The following IGF1R variants were observed in gnomAD, a reference collection of about 807,000 sequenced individuals.
IGF1R encodes the protein insulin-like growth factor 1 receptor.
A neutral mutation model predicts 144.6 loss-of-function variants in IGF1R; 44 were observed. The observed-to-expected ratio is 0.30, with a 90% CI of 0.24 to 0.39. The LOEUF (loss-of-function observed/expected upper bound fraction) is 0.39. IGF1R is among the 10% of genes least tolerant of loss of function. The pLI is 1.00. For synonymous variants in IGF1R, 795 were observed against 722.8 expected (o/e 1.10, Z -1.60); for missense variants, 1,355 against 1,833.7 (o/e 0.74, Z 4.77).
At chr15:98,703,269 T>A (rs2053780304) in intron 1 of IGF1R, among the ~76,000 whole-genome samples, 1 of 152,202 alleles carries the variant, frequency 6.6e-6, no homozygotes, top group South Asian at 2.1e-4. Context: ...TGCATTTTCC[T>A]TTTAATCATC....
intron 2 of IGF1R, among the ~76,000 whole-genome samples, chr15:98,756,497 T>C (rs979552863): frequency 1.3e-5 from 2 of 152,164 alleles, no homozygotes; most frequent in African/African-American, 4.8e-5. Context: ...CTGGTAATCA[T>C]AACCCTTTCT....
At chr15:98,828,270 G>A (rs938648647) in intron 2 of IGF1R, among the ~76,000 whole-genome samples, 3 of 151,962 alleles carry the variant, frequency 2.0e-5, no homozygotes, top group African/African-American at 4.9e-5. Flanking sequence ...AGGAAGGGCT[G>A]CTGTTGGGAA....
At chr15:98,747,195 TTGTTGTTGTTG>T (rs2054889863) in intron 2 of IGF1R, among the ~76,000 whole-genome samples, 2 of 99,516 alleles carry the variant, frequency 2.0e-5, no homozygotes, top group South Asian at 3.1e-4. Context: ...GTCGTTGTTG[TTGTTGTTGTTG>T]TGTTTTTGAG....
chr15:98,705,743 G>A (rs1398333248), intron 1 of IGF1R, among the ~76,000 whole-genome samples: 3 of 152,136 alleles, frequency 2.0e-5, no homozygotes, highest in Non-Finnish European at 2.9e-5. Flanking sequence ...CACTTATTCC[G>A]TCCTGCACTG....
chr15:98,887,838 T>C (rs890476323), intron 2 of IGF1R, among the ~76,000 whole-genome samples: 31 of 152,368 alleles, frequency 2.0e-4, no homozygotes, highest in African/African-American at 6.7e-4. Flanking sequence ...CTGATCATCA[T>C]GTCCCTTGCA....
intron 2 of IGF1R, among the ~76,000 whole-genome samples, chr15:98,789,463 T>C (rs2056080594): frequency 6.6e-6 from 1 of 152,222 alleles, no homozygotes; most frequent in African/African-American, 2.4e-5. Context: ...CAAGGTCTTG[T>C]TTTTGCCCTT....
At chr15:98,856,305 G>GCATCGTCCATCGTC (rs749707509) in intron 2 of IGF1R, among the ~76,000 whole-genome samples, 1 of 152,212 alleles carries the variant, frequency 6.6e-6, no homozygotes, top group African/African-American at 2.4e-5. Context: ...TATATGACGG[G>GCATCGTCCATCGTC]CATCGTCCAT....
In IGF1R at chr15:98,916,883, A is replaced by G. The variant is rs1486085914; in HGVS notation, c.2201+7A>G. The G allele has an allele frequency of 1.9e-6, 3 of 1,613,756 alleles. No homozygotes were observed. In the East Asian group the frequency reaches 6.7e-5, roughly 36 times the overall value. ...ACTCCATCTTCGTGCCCAGGTACCC[A>G]GCTCATGTGAAATTTCAGTTGGCAA... is the stretch of plus-strand genomic sequence containing the variant. On this transcript the variant is annotated splice_region_variant and intron_variant, in intron 10 of 20. Coordinates refer to ENST00000650285, the MANE Select transcript of IGF1R (RefSeq NM_000875.5).
In IGF1R at chr15:98,957,515, T is replaced by G; in HGVS notation, c.*73T>G. On this transcript the variant is annotated 3_prime_UTR_variant, in exon 21 of 21. Transcript: ENST00000650285. Reference sequence around the variant, plus strand: ...GCGGGGTGGGGGGGGAGAGAGAGTTTTAACAATCCATTCACAAGCCTCCTG... The same window carrying G: ...GCGGGGTGGGGGGGGAGAGAGAGTTGTAACAATCCATTCACAAGCCTCCTG... 5.0e-6 allele frequency: 8 copies of G among 1,594,464 alleles called. No homozygotes were observed. Among genetic ancestry groups the G allele is most frequent in the Non-Finnish European group, 6.9e-6 (8 of 1,166,946 alleles).
intron 1 of IGF1R, among the ~76,000 whole-genome samples, chr15:98,703,902 C>A (rs1375038853): frequency 6.6e-6 from 1 of 152,210 alleles, no homozygotes; most frequent in African/African-American, 2.4e-5. Context: ...ACAGGTTGAG[C>A]CTGTCTAATC....
At chr15:98,691,262 G>T (rs768927276) in intron 1 of IGF1R, among the ~76,000 whole-genome samples, 1 of 152,102 alleles carries the variant, frequency 6.6e-6, no homozygotes, top group African/African-American at 2.4e-5. Flanking sequence ...CTGTGACAGG[G>T]TCTCAGACTT....
chr15:98,780,575 AGAGAGAG>A (rs1352988728), intron 2 of IGF1R, among the ~76,000 whole-genome samples: 4 of 9,890 alleles, frequency 4.0e-4, no homozygotes, highest in Admixed American at 2.3e-3. Context: ...AAAAAAAAAA[AGAGAGAG>A]AGAGTAAATA....
chr15:98,657,322 G>A (rs2052509999), intron 1 of IGF1R, among the ~76,000 whole-genome samples: 1 of 152,226 alleles, frequency 6.6e-6, no homozygotes, highest in South Asian at 2.1e-4. Flanking sequence ...AGAAATTCCA[G>A]GTAGGAGCCC....
intron 2 of IGF1R, among the ~76,000 whole-genome samples, chr15:98,878,663 CAAAAAAAAAAAAAAAAAAAAAAAAAA>C (rs138285597): frequency 3.5e-5 from 2 of 57,906 alleles, no homozygotes; most frequent in African/African-American, 2.1e-4. Flanking sequence ...GTGAAAGACT[CAAAAAAAAAAAAAAAAAAAAAAAAAA>C]AAAAAACAAC....
At chr15:98,887,222 C>G (rs1001971680) in intron 2 of IGF1R, among the ~76,000 whole-genome samples, 1 of 152,046 alleles carries the variant, frequency 6.6e-6, no homozygotes, top group Non-Finnish European at 1.5e-5. Flanking sequence ...GACTGACTGA[C>G]TGGATGGTAT....
At chr15:98,878,945 G>A (rs1379565419) in intron 2 of IGF1R, among the ~76,000 whole-genome samples, 6 of 151,976 alleles carry the variant, frequency 3.9e-5, no homozygotes, top group Non-Finnish European at 5.9e-5. Flanking sequence ...GCAGTGAGCC[G>A]AAATTGTGCC....
At chr15:98,684,640 G>A (rs1376656417) in intron 1 of IGF1R, among the ~76,000 whole-genome samples, 1 of 152,136 alleles carries the variant, frequency 6.6e-6, no homozygotes. Flanking sequence ...TGAGGACAGG[G>A]ACCTTTCTTT....
At chr15:98,654,152 C>T (rs1419516156) in intron 1 of IGF1R, among the ~76,000 whole-genome samples, 4 of 152,130 alleles carry the variant, frequency 2.6e-5, no homozygotes, top group Non-Finnish European at 4.4e-5. Context: ...TAGTGTTGTT[C>T]ATCAGAAGCC....
At chr15:98,863,620 A>T (rs913281217) in intron 2 of IGF1R, among the ~76,000 whole-genome samples, 2 of 152,240 alleles carry the variant, frequency 1.3e-5, no homozygotes, top group Admixed American at 1.3e-4. Flanking sequence ...GACAATTACT[A>T]GTCACATGAA....
Sources: allele counts gnomAD v4.1 joint callset (sites outside exome capture counted in the v4.1 genomes callset), GRCh38; gene constraint gnomAD v4.1.1; transcripts MANE v1.5; gene names NCBI Gene and HGNC (gene_info 2026-07-23, HGNC 2026-07-21).